The following STAU1 variants were observed in gnomAD, a reference collection of about 807,000 sequenced individuals.
The protein encoded by STAU1 is double-stranded RNA-binding protein Staufen homolog 1.
In STAU1, 13 loss-of-function variants were observed where a neutral mutation model predicts 62.9. That is an observed-to-expected ratio of 0.21 (90% CI 0.13 to 0.33). The LOEUF (loss-of-function observed/expected upper bound fraction) is 0.33. Among genes scored for constraint, STAU1 ranks in the 10% least tolerant of loss-of-function variants. The pLI is 1.00. For synonymous variants in STAU1, 269 were observed against 265.1 expected (o/e 1.01, Z -0.14); for missense variants, 571 against 712.1 (o/e 0.80, Z 2.25).
chr20:49,170,280 A>G (rs1413165653), intron 2 of STAU1, among the ~76,000 whole-genome samples: 1 of 152,192 alleles, frequency 6.6e-6, no homozygotes, highest in East Asian at 1.9e-4. Context: ...CTACTAATAC[A>G]TGGTTAGTCT....
rs551791016 is a variant in STAU1 at position 49,135,222 on chromosome 20, G to T, written c.609+611C>A. Among the ~76,000 whole-genome samples the T allele has an allele frequency of 6.6e-5, 10 of 152,322 alleles. No individual in the cohort carries two copies. The East Asian group carries it at 1.9e-3, about 29-fold the overall frequency. On this transcript the variant is annotated intron_variant, in intron 6 of 13. Coordinates refer to ENST00000371856, the MANE Select transcript of STAU1 (RefSeq NM_017453.4). ...GTGAAATTTTCTGCAGCATTAAGCT[G>T]GCGCTTAATAAAAATAAGTAACAAA...
intron 3 of STAU1, among the ~76,000 whole-genome samples, chr20:49,162,512 C>T (rs1214107059): frequency 1.3e-5 from 2 of 152,276 alleles, no homozygotes; most frequent in East Asian, 3.9e-4. Context: ...TGGTGGCTCA[C>T]GCCTGTAATC....
At chr20:49,195,303 C>G in the STAU1 span, among the ~76,000 whole-genome samples, 1 of 151,326 alleles carries the variant, frequency 6.6e-6, no homozygotes, top group African/African-American at 2.4e-5. Flanking sequence ...TTTGGGAGGC[C>G]GAGGCAGGCG....
At chr20:49,149,508 T>C (rs2093203384) in intron 5 of STAU1, among the ~76,000 whole-genome samples, 2 of 152,182 alleles carry the variant, frequency 1.3e-5, no homozygotes, top group Non-Finnish European at 1.5e-5. Context: ...GTTCATCAAC[T>C]ATTGGCTGGA....
chr20:49,217,485 T>C, the STAU1 span, among the ~76,000 whole-genome samples: 1 of 152,092 alleles, frequency 6.6e-6, no homozygotes, highest in Non-Finnish European at 1.5e-5. Flanking sequence ...CAAAAACTTG[T>C]GTTCCCCAGT....
the STAU1 span, among the ~76,000 whole-genome samples, chr20:49,204,621 TATGTGTATATATATATATATATATA>T: frequency 1.6e-4 from 8 of 48,778 alleles, no homozygotes; most frequent in African/African-American, 4.5e-4. Flanking sequence ...TATATATATA[TATGTGTATATATATATATATATATA>T]TTTTTTTTTT....
the STAU1 span, among the ~76,000 whole-genome samples, chr20:49,210,075 AAAAT>A: frequency 6.6e-6 from 1 of 152,130 alleles, no homozygotes; most frequent in Non-Finnish European, 1.5e-5. Flanking sequence ...AATAATCAAA[AAAAT>A]AAATAAATTC....
intron 5 of STAU1, among the ~76,000 whole-genome samples, chr20:49,137,694 T>C (rs1214004278): frequency 6.6e-6 from 1 of 152,010 alleles, no homozygotes; most frequent in Non-Finnish European, 1.5e-5. Flanking sequence ...AGATGGAGTT[T>C]TGCTCGTGTC....
At chr20:49,147,943 C>G (rs1320285769) in intron 5 of STAU1, among the ~76,000 whole-genome samples, 1 of 152,136 alleles carries the variant, frequency 6.6e-6, no homozygotes, top group Non-Finnish European at 1.5e-5. Flanking sequence ...TGAATATACA[C>G]CAAATGGTTA....
At position 49,177,314 on chromosome 20, in the gene STAU1, T is replaced by C. The variant is rs549498246; in HGVS notation, c.-159-3045A>G. 2.0e-3 allele frequency among the ~76,000 whole-genome samples: 303 copies of C among 152,006 alleles called. 1 individual carries two copies. Among genetic ancestry groups the C allele is most frequent in the African/African-American group, 6.9e-3 (288 of 41,480 alleles). ...ACTTTGGGAGGCCGAGGCAGGTGGA[T>C]CGCTTGAGCTCAGGTGTTTGAGACC... On this transcript the variant is annotated intron_variant, in intron 1 of 13. Coordinates refer to ENST00000371856, the MANE Select transcript of STAU1 (RefSeq NM_017453.4).
chr20:49,117,619 C>A lies in STAU1; in HGVS notation c.1509+158G>T, dbSNP rs1347232159. ...TCTCTTACCACATATGCTTACAATA[C>A]TTCTATACCTCCTACCCTTCCATCA... On this transcript the variant is annotated intron_variant, in intron 11 of 13. Coordinates refer to ENST00000371856, the MANE Select transcript of STAU1 (RefSeq NM_017453.4). This position sits in a 1 kb window ranked among gnomAD's most constrained non-coding sequence, Gnocchi z 4.6. Among the ~76,000 whole-genome samples the A allele has an allele frequency of 6.6e-6, 1 of 152,212 alleles. No homozygotes were observed. The highest frequency in any genetic ancestry group is 1.5e-5 in the Non-Finnish European group (1 of 68,038).
At chr20:49,214,172 A>G in the STAU1 span, among the ~76,000 whole-genome samples, 90 of 152,134 alleles carry the variant, frequency 5.9e-4, no homozygotes, top group Non-Finnish European at 1.1e-3. Flanking sequence ...AGATCATGCC[A>G]CTGCATTCCA....
At chr20:49,199,868 C>G in the STAU1 span, among the ~76,000 whole-genome samples, 1 of 152,032 alleles carries the variant, frequency 6.6e-6, no homozygotes, top group Non-Finnish European at 1.5e-5. Flanking sequence ...GCCACTGCAC[C>G]CGGCCATATT....
the STAU1 span, among the ~76,000 whole-genome samples, chr20:49,206,751 A>ATATATATATATT: frequency 8.4e-5 from 8 of 95,032 alleles, no homozygotes; most frequent in East Asian, 9.0e-4. Context: ...ATATATATAT[A>ATATATATATATT]TTTTATTTTA....
At chr20:49,149,301 C>A (rs566423424) in intron 5 of STAU1, among the ~76,000 whole-genome samples, 1 of 145,480 alleles carries the variant, frequency 6.9e-6, no homozygotes, top group Non-Finnish European at 1.5e-5. Context: ...CCAGCAAGAA[C>A]AACAAAAGCA....
rs138430183 is a variant in STAU1 at position 49,120,067 on chromosome 20, T to G, written c.1028A>C (p.Asn343Thr). The change falls in exon 9 of 14, where the codon AAT becomes ACT. Residue 343 changes from asparagine (N) to threonine (T), a missense_variant. By Grantham distance (65) the Asn-to-Thr change is moderately conservative. Around this residue, in one of 3 missense-constraint regions of STAU1, gnomAD observed 414 missense variants for 499.6 expected, o/e 0.83. Transcript: ENST00000371856. ...GATCTCCAGCATGTTCTCGGCTGCA[T>G]TGCGCTTGGCCACCTTCTTGTTGGT... is the stretch of plus-strand genomic sequence containing the variant. ...TGTNKKVAKR[N>T]AAENMLEILG... is the part of the protein sequence containing the mutation. 39 of 1,614,112 alleles carry G rather than the reference T, an allele frequency of 2.4e-5. No homozygotes were observed. The African/African-American group carries it at 4.8e-4, about 20-fold the overall frequency.
intron 5 of STAU1, among the ~76,000 whole-genome samples, chr20:49,138,671 T>G (rs2092942660): frequency 6.6e-6 from 1 of 152,118 alleles, no homozygotes; most frequent in African/African-American, 2.4e-5. Context: ...CAGCTATTTT[T>G]TTTAATGTTT....
chr20:49,180,915 G>A (rs1464455901), intron 1 of STAU1, among the ~76,000 whole-genome samples: 3 of 152,074 alleles, frequency 2.0e-5, no homozygotes, highest in African/African-American at 7.2e-5. Context: ...GTGACAAGCA[G>A]AATCAATTAT....
At chr20:49,154,553 C>G (rs1301158667) in intron 3 of STAU1, among the ~76,000 whole-genome samples, 1 of 152,216 alleles carries the variant, frequency 6.6e-6, no homozygotes, top group Non-Finnish European at 1.5e-5. Flanking sequence ...GGATGCAAAG[C>G]ACTGTGCTAA....
Sources: gnomAD v4.1 joint callset for allele counts (sites outside exome capture counted in the v4.1 genomes callset) on GRCh38, gnomAD v4.1.1 for gene constraint, gnomAD v4.1.1 regional missense constraint, Gnocchi (gnomAD v3.1) non-coding constraint, MANE v1.5 for transcripts, NCBI Gene and HGNC (gene_info 2026-07-23, HGNC 2026-07-21) for gene names.